TAS2R1: variants seen among roughly 807,000 people sequenced by gnomAD.
TAS2R1 encodes the protein taste receptor type 2 member 1.
For missense variants in TAS2R1, 370 were observed against 353.4 expected, an observed-to-expected ratio of 1.05 and a Z score of -0.38; for synonymous variants, 141 against 134.2, an observed-to-expected ratio of 1.05 and a Z score of -0.35.
the TAS2R1 span, among the ~76,000 whole-genome samples, chr5:9,789,642 A>C: frequency 6.6e-6 from 1 of 152,226 alleles, no homozygotes; most frequent in South Asian, 2.1e-4. Context: ...CGATCACACC[A>C]GTCTCTCCTT....
the TAS2R1 span, among the ~76,000 whole-genome samples, chr5:9,737,494 T>G: frequency 6.6e-6 from 1 of 151,986 alleles, no homozygotes; most frequent in Non-Finnish European, 1.5e-5. Context: ...ATTTTGCGGG[T>G]TTTTGACAGA....
At chr5:9,728,737 T>C in the TAS2R1 span, among the ~76,000 whole-genome samples, 2 of 152,166 alleles carry the variant, frequency 1.3e-5, no homozygotes, top group East Asian at 3.9e-4. Context: ...CGTCTGCAAG[T>C]AGAGCTCTTG....
chr5:9,847,734 C>T, the TAS2R1 span, among the ~76,000 whole-genome samples: 4 of 152,114 alleles, frequency 2.6e-5, no homozygotes, highest in African/African-American at 7.2e-5. Context: ...TGAGTTGTTT[C>T]GCCTCCTAGA....
At chr5:9,853,939 C>T in the TAS2R1 span, among the ~76,000 whole-genome samples, 5 of 152,180 alleles carry the variant, frequency 3.3e-5, no homozygotes, top group Admixed American at 1.3e-4. Flanking sequence ...TGTTTTTAAT[C>T]ATACATGATT....
chr5:9,896,769 T>A, the TAS2R1 span, among the ~76,000 whole-genome samples: 1 of 152,182 alleles, frequency 6.6e-6, no homozygotes, highest in African/African-American at 2.4e-5. Context: ...AAGGACCTCA[T>A]TTGCCACACT....
intron 1 of TAS2R1, among the ~76,000 whole-genome samples, chr5:9,688,183 C>A (rs369900721): frequency 6.6e-6 from 1 of 152,220 alleles, no homozygotes; most frequent in Non-Finnish European, 1.5e-5. Context: ...AGAACCCATG[C>A]GATTTGACAT....
At chr5:9,854,164 T>A in the TAS2R1 span, among the ~76,000 whole-genome samples, 1 of 152,166 alleles carries the variant, frequency 6.6e-6, no homozygotes, top group Non-Finnish European at 1.5e-5. Flanking sequence ...CTCGCTGGGA[T>A]CTTTGGTGTT....
the TAS2R1 span, chr5:9,760,907 G>A: frequency 4.6e-5 from 7 of 152,098 alleles, no homozygotes; most frequent in East Asian, 3.9e-4. Context: ...AACCCTCTTC[G>A]TCCACCGCCA....
the TAS2R1 span, among the ~76,000 whole-genome samples, chr5:9,848,671 A>ACT: frequency 6.6e-6 from 1 of 152,218 alleles, no homozygotes; most frequent in African/African-American, 2.4e-5. Context: ...CAATGTCTAC[A>ACT]TATATGAAAA....
chr5:9,677,236 C>T (rs959810646), intron 1 of TAS2R1, among the ~76,000 whole-genome samples: 3 of 152,080 alleles, frequency 2.0e-5, no homozygotes, highest in African/African-American at 7.2e-5. Flanking sequence ...ACCGGAACAA[C>T]ACACAATAAC....
the TAS2R1 span, among the ~76,000 whole-genome samples, chr5:9,826,982 T>C: frequency 6.6e-6 from 1 of 152,196 alleles, no homozygotes; most frequent in Non-Finnish European, 1.5e-5. Flanking sequence ...GACAATTTAA[T>C]CTACCCTTTT....
At chr5:9,805,755 T>C in the TAS2R1 span, among the ~76,000 whole-genome samples, 1 of 152,170 alleles carries the variant, frequency 6.6e-6, no homozygotes, top group Admixed American at 6.5e-5. Flanking sequence ...CTTAAGGTAA[T>C]AAAAGCCATC....
In TAS2R1 at chr5:9,684,414, C is replaced by T. The variant is rs75957930; in HGVS notation, c.-241-24833G>A. On this transcript the variant is annotated intron_variant, in intron 1 of 2. Transcript: ENST00000506620. The stretch of plus-strand genomic sequence containing the variant: ...TGGAAATGGTAGCAGGGAGAAAAGG[C>T]GAGGTAGATGTTGGTTAACAGATAC... 8.2e-4 allele frequency among the ~76,000 whole-genome samples: 125 copies of T among 152,090 alleles called. 1 individual carries two copies. Among genetic ancestry groups the T allele is most frequent in the Non-Finnish European group, 1.4e-3 (98 of 67,978 alleles).
At chr5:9,829,030 A>T in the TAS2R1 span, among the ~76,000 whole-genome samples, 4 of 152,214 alleles carry the variant, frequency 2.6e-5, no homozygotes, top group Non-Finnish European at 4.4e-5. Context: ...AATACAGAGG[A>T]AATGGGCTCC....
At chr5:9,763,129 C>G in the TAS2R1 span, among the ~76,000 whole-genome samples, 60 of 152,262 alleles carry the variant, frequency 3.9e-4, no homozygotes, top group African/African-American at 1.3e-3. Flanking sequence ...GCTTAACCTT[C>G]GGAGAATTAG....
the TAS2R1 span, among the ~76,000 whole-genome samples, chr5:9,902,943 T>C: frequency 6.6e-6 from 1 of 151,948 alleles, no homozygotes; most frequent in African/African-American, 2.4e-5. Context: ...AGATAATTCT[T>C]TTTTAAAAAA....
the TAS2R1 span, among the ~76,000 whole-genome samples, chr5:9,839,897 T>C: frequency 1.1e-4 from 17 of 152,184 alleles, no homozygotes; most frequent in African/African-American, 3.6e-4. Context: ...AATCGATTTT[T>C]ATATTTCTAG....
the TAS2R1 span, among the ~76,000 whole-genome samples, chr5:9,891,992 T>A: frequency 1.3e-5 from 2 of 152,038 alleles, no homozygotes; most frequent in East Asian, 1.9e-4. Context: ...CCCTCCCTCA[T>A]AGCCCACCTT....
chr5:9,682,906 A>G (rs1034118260), intron 1 of TAS2R1, among the ~76,000 whole-genome samples: 6 of 152,136 alleles, frequency 3.9e-5, no homozygotes, highest in African/African-American at 7.2e-5. Context: ...TCCTCTATTG[A>G]CTAGAAAATT....
Sources: allele counts gnomAD v4.1 joint callset (sites outside exome capture counted in the v4.1 genomes callset), GRCh38; gene constraint gnomAD v4.1.1; transcripts MANE v1.5; gene names NCBI Gene and HGNC (gene_info 2026-07-23, HGNC 2026-07-21).